DCC: variants seen among roughly 807,000 people sequenced by gnomAD.
DCC encodes the protein netrin receptor DCC.
In DCC, 58 loss-of-function variants were observed where a neutral mutation model predicts 172.5. The ratio of observed to expected loss-of-function variants is 0.34; its 90% CI spans 0.27 to 0.42. The LOEUF is 0.42. Among genes scored for constraint, DCC ranks in the 10% least tolerant of loss-of-function variants. The pLI, the probability that DCC is intolerant of heterozygous loss-of-function variation, is 1.00. For synonymous variants in DCC, 709 were observed against 644.5 expected (o/e 1.10, Z -1.52); for missense variants, 1,740 against 1,791.0 (o/e 0.97, Z 0.51).
At chr18:53,074,940 T>C (rs2042705081) in intron 7 of DCC, among the ~76,000 whole-genome samples, 1 of 152,186 alleles carries the variant, frequency 6.6e-6, no homozygotes, top group Admixed American at 6.5e-5. Flanking sequence ...AAAGATTTAG[T>C]GCAATAAATG....
rs1256234871 is a variant in DCC at position 52,875,767 on chromosome 18, C to T, written c.413-30277C>T. ...TTTTTAAAAAAGAAATGAGCTAAAC[C>T]TTGTCAGAGCTGACGGCACTATCTT... On this transcript the variant is annotated intron_variant, in intron 2 of 28. Coordinates refer to ENST00000442544, the MANE Select transcript of DCC (RefSeq NM_005215.4). 3.3e-5 allele frequency among the ~76,000 whole-genome samples: 5 copies of T among 152,304 alleles called. No individual in the cohort carries two copies. The East Asian group carries it at 7.7e-4, about 24-fold the overall frequency.
At chr18:52,378,459 T>C (rs1046788269) in intron 1 of DCC, among the ~76,000 whole-genome samples, 1 of 150,122 alleles carries the variant, frequency 6.7e-6, no homozygotes, top group Non-Finnish European at 1.5e-5. Flanking sequence ...GATAAATATA[T>C]ACAGTGGACT....
intron 13 of DCC, among the ~76,000 whole-genome samples, chr18:53,312,372 A>AAAGAT (rs1568048542): frequency 6.9e-6 from 1 of 145,428 alleles, no homozygotes; most frequent in African/African-American, 2.6e-5. Context: ...AAGAAAAAGA[A>AAAGAT]AAAGATAAAG....
intron 12 of DCC, among the ~76,000 whole-genome samples, chr18:53,248,657 C>A (rs1267043053): frequency 1.3e-5 from 2 of 152,080 alleles, no homozygotes; most frequent in East Asian, 1.9e-4. Context: ...GTTCATTCAG[C>A]CAATTAAACA....
chr18:52,373,888 ATTTT>A (rs1296846491), intron 1 of DCC, among the ~76,000 whole-genome samples: 1 of 127,318 alleles, frequency 7.9e-6, no homozygotes, highest in East Asian at 2.2e-4. Context: ...TGGTTGCATC[ATTTT>A]TTTTTTTTTT....
At chr18:53,513,609 A>G (rs1247937765) in intron 27 of DCC, among the ~76,000 whole-genome samples, 2 of 152,264 alleles carry the variant, frequency 1.3e-5, no homozygotes, top group Admixed American at 6.5e-5. Flanking sequence ...AAATAAAAGG[A>G]TGGAGGAAGA....
intron 17 of DCC, among the ~76,000 whole-genome samples, chr18:53,396,759 A>G (rs1405418920): frequency 6.6e-6 from 1 of 152,208 alleles, no homozygotes; most frequent in Non-Finnish European, 1.5e-5. Context: ...ACAAGTGGAA[A>G]ATAATAACAA....
chr18:52,396,271 C>T (rs1157268123), intron 1 of DCC, among the ~76,000 whole-genome samples: 2 of 148,744 alleles, frequency 1.3e-5, no homozygotes, highest in Non-Finnish European at 3.0e-5. Flanking sequence ...ACTGGAAAAA[C>T]CTGCACCACA....
rs568658510 is a variant in DCC at position 53,038,786 on chromosome 18, C to T, written c.986-24519C>T. On this transcript the variant is annotated intron_variant, in intron 5 of 28. Transcript: ENST00000442544. ...TTACTCAGCCTGGGCTCTTTTAACA[C>T]TGTGCCTTTTAATACCATTAGAGTA... Among the ~76,000 whole-genome samples, 22 of 152,124 alleles carry T rather than the reference C, an allele frequency of 1.4e-4. 1 individual carries two copies. In the South Asian group the frequency reaches 4.3e-3, roughly 30 times the overall value.
intron 7 of DCC, among the ~76,000 whole-genome samples, chr18:53,082,281 T>C (rs1279433907): frequency 6.6e-6 from 1 of 152,102 alleles, no homozygotes; most frequent in Non-Finnish European, 1.5e-5. Context: ...GCAAGCATAA[T>C]AACAAAAATT....
intron 1 of DCC, among the ~76,000 whole-genome samples, chr18:52,389,150 T>C (rs1056482598): frequency 3.3e-5 from 5 of 152,094 alleles, no homozygotes; most frequent in Non-Finnish European, 5.9e-5. Context: ...ATCTTGTCGA[T>C]GAGTTCATTT....
At chr18:52,617,612 A>G (rs1227265169) in intron 1 of DCC, among the ~76,000 whole-genome samples, 1 of 150,444 alleles carries the variant, frequency 6.6e-6, no homozygotes, top group Admixed American at 6.6e-5. Context: ...AACTTTTTAT[A>G]TGTTTCTCTT....
intron 1 of DCC, among the ~76,000 whole-genome samples, chr18:52,348,321 G>C (rs1983967901): frequency 6.6e-6 from 1 of 152,166 alleles, no homozygotes; most frequent in Non-Finnish European, 1.5e-5. Flanking sequence ...TTGCCACCAT[G>C]TTTAGGGTGC....
intron 24 of DCC, among the ~76,000 whole-genome samples, chr18:53,460,292 T>G (rs1222627914): frequency 9.1e-5 from 13 of 143,122 alleles, no homozygotes; most frequent in African/African-American, 1.7e-4. Context: ...TTTTTTTTTT[T>G]TTTTTTTTTT....
chr18:53,481,483 C>T (rs2045831233), intron 25 of DCC, among the ~76,000 whole-genome samples: 1 of 152,052 alleles, frequency 6.6e-6, no homozygotes, highest in Admixed American at 6.6e-5. Flanking sequence ...CAAAGAACAC[C>T]TGAAAATGTG....
chr18:52,512,753 T>TG (rs1030473048), intron 1 of DCC, among the ~76,000 whole-genome samples: 1 of 151,950 alleles, frequency 6.6e-6, no homozygotes, highest in Non-Finnish European at 1.5e-5. Flanking sequence ...TGATAAATGC[T>TG]GGGGGGAAAA....
At chr18:52,400,033 G>A (rs1271915844) in intron 1 of DCC, among the ~76,000 whole-genome samples, 1 of 151,884 alleles carries the variant, frequency 6.6e-6, no homozygotes, top group Admixed American at 6.6e-5. Context: ...CCATTCTATG[G>A]AATTTCTTTT....
At chr18:52,355,341 C>A (rs1984312685) in intron 1 of DCC, among the ~76,000 whole-genome samples, 1 of 152,100 alleles carries the variant, frequency 6.6e-6, no homozygotes, top group Non-Finnish European at 1.5e-5. Context: ...CCCAGAGAAG[C>A]TAGGTGAGCC....
chr18:53,062,349 C>T (rs943505714), intron 5 of DCC, among the ~76,000 whole-genome samples: 1 of 152,060 alleles, frequency 6.6e-6, no homozygotes, highest in African/African-American at 2.4e-5. Context: ...ACTCATCACT[C>T]ACTGAGCATA....
Sources: gnomAD v4.1 joint callset for allele counts (sites outside exome capture counted in the v4.1 genomes callset) on GRCh38, gnomAD v4.1.1 for gene constraint, MANE v1.5 for transcripts, NCBI Gene and HGNC (gene_info 2026-07-23, HGNC 2026-07-21) for gene names.